CFI: variants seen among roughly 807,000 people sequenced by gnomAD.
The protein encoded by CFI is C3B/C4B inactivator.
Under a neutral mutation model 78.8 loss-of-function variants are expected in CFI, and 66 were observed. That is an observed-to-expected ratio of 0.84 (90% CI 0.69 to 1.03). CFI has a LOEUF of 1.03. Ranked by LOEUF, CFI falls within the 50% of genes least tolerant of loss-of-function variation. The probability of loss-of-function intolerance (pLI) is 0.00; values close to 1 mark genes in which losing one functional copy is unlikely to be tolerated. For missense variants in CFI, 706 were observed against 704.5 expected (o/e 1.00, Z -0.02); for synonymous variants, 250 against 232.6 (o/e 1.07, Z -0.68).
chr4:109,760,842 C>G (rs1726963884), intron 4 of CFI, among the ~76,000 whole-genome samples: 1 of 152,138 alleles, frequency 6.6e-6, no homozygotes, highest in African/African-American at 2.4e-5. Context: ...TCTATTATCT[C>G]TGAAAGTCAG....
In CFI at chr4:109,746,311, G is replaced by T; in HGVS notation, c.1340C>A (p.Pro447His). The T allele has an allele frequency of 6.2e-7, 1 of 1,614,144 alleles. No homozygotes were observed. The highest frequency in any genetic ancestry group is 8.5e-7 in the Non-Finnish European group (1 of 1,180,008). The change falls in exon 11 of 13, where the codon CCT becomes CAT. Residue 447 changes from proline to histidine, a missense_variant. Pro to His is a moderately conservative substitution (Grantham distance 77). Coordinates refer to ENST00000394634, the MANE Select transcript of CFI (RefSeq NM_000204.5). ...GGGGACACAGGCAGGGATGGAACGA[G>T]GCAGCTCACAATCTTTTTTGTTTCC... ...KDGNKKDCEL[P>H]RSIPACVPWS...
At chr4:109,763,067 G>A (rs72888500) in intron 3 of CFI, among the ~76,000 whole-genome samples, 1 of 152,066 alleles carries the variant, frequency 6.6e-6, no homozygotes, top group Non-Finnish European at 1.5e-5. Flanking sequence ...GAAGAAAATT[G>A]AATTCAGAAA....
rs1178256215 is a variant in CFI at position 109,740,826 on chromosome 4, C to A, written c.*67G>T. On this transcript the variant is annotated 3_prime_UTR_variant, in exon 13 of 13. Transcript: ENST00000394634. The stretch of plus-strand genomic sequence containing the variant: ...CCCCCCTAGAGAATTATTAATTATA[C>A]CGTTTTATTTCCATTAAATGGAACT... 3.6e-6 allele frequency: 5 copies of A among 1,398,322 alleles called. No individual in the cohort carries two copies. Among genetic ancestry groups the A allele is most frequent in the African/African-American group, 2.8e-5 (2 of 70,372 alleles). 86.6% of individuals were successfully genotyped at this position (1,398,322 alleles called of 1,614,324 possible). A position where few individuals can be genotyped will look rare whatever the true frequency, so the allele number is the denominator to read the frequency against.
At chr4:109,735,891 A>T (rs1447027574), downstream of CFI, among the ~76,000 whole-genome samples, 1 of 152,256 alleles carries the variant, frequency 6.6e-6, no homozygotes, top group African/African-American at 2.4e-5. Context: ...GAAAGCAAGG[A>T]TACAGAGGCA....
At chr4:109,743,125 C>A (rs1207884362) in intron 11 of CFI, among the ~76,000 whole-genome samples, 1 of 152,162 alleles carries the variant, frequency 6.6e-6, no homozygotes, top group Non-Finnish European at 1.5e-5. Context: ...TTAAGATTTT[C>A]TTCCTCAAGT....
chr4:109,754,677 G>A (rs1250625746), intron 7 of CFI, among the ~76,000 whole-genome samples: 5 of 152,218 alleles, frequency 3.3e-5, no homozygotes, highest in Admixed American at 1.3e-4. Flanking sequence ...CTTTGGGACA[G>A]GCATATGAGT....
At chr4:109,755,405 A>G (rs1159997235) in intron 7 of CFI, among the ~76,000 whole-genome samples, 1 of 152,108 alleles carries the variant, frequency 6.6e-6, no homozygotes, top group Non-Finnish European at 1.5e-5. Context: ...ACTTGCTACT[A>G]TGGTTTGAGT....
Position 109,749,527 on chromosome 4 carries a change from C to T in CFI, c.1016G>A (p.Arg339Gln), listed in dbSNP as rs773085612. The T allele has an allele frequency of 1.1e-5, 18 of 1,613,520 alleles. No homozygotes were observed. Among genetic ancestry groups the T allele is most frequent in the Non-Finnish European group, 1.4e-5 (17 of 1,179,584 alleles). Residue 339 changes from arginine to glutamine, a missense_variant, in exon 9 of 13, where the codon CGA becomes CAA. Physicochemically the swap from Arg to Gln is conservative, Grantham distance 43 (BLOSUM62 1). Coordinates refer to ENST00000394634, the MANE Select transcript of CFI (RefSeq NM_000204.5). ...VKNRMHIRRK[R>Q]IVGGKRAQLG... The stretch of plus-strand genomic sequence containing the variant: ...TTGTGCTCGCTTTCCTCCCACAATT[C>T]GTTTCCTTCGAATGTGCATTCTGTT...
intron 1 of CFI, among the ~76,000 whole-genome samples, chr4:109,777,628 A>G (rs1161531166): frequency 6.6e-6 from 1 of 152,150 alleles, no homozygotes; most frequent in Admixed American, 6.6e-5. Flanking sequence ...TGCACCAAGC[A>G]GACCTAATAG....
At position 109,800,321 on chromosome 4, in the gene CFI, G is replaced by GTTT. The variant is rs554145445; in HGVS notation, c.57+1591_57+1593dup. Among the ~76,000 whole-genome samples, 50 of 48,802 alleles carry GTTT rather than the reference G, an allele frequency of 1.0e-3. 8 individuals are homozygous for GTTT. The highest frequency in any genetic ancestry group is 2.9e-3 in the African/African-American group (37 of 12,844). The allele number at this position is 48,802 out of a possible 152,430, so 32.0% of individuals were successfully genotyped here. On this transcript the variant is annotated intron_variant, in intron 1 of 12. Transcript: ENST00000394634. ...GTTGACTGAAATATTTGGCTTCTCTGTTTTTTTTTTTTTTTTTTTTTTTTT... is the reference window on the plus strand; with the variant it reads ...GTTGACTGAAATATTTGGCTTCTCTGTTTTTTTTTTTTTTTTTTTTTTTTTTTT...
downstream of CFI, among the ~76,000 whole-genome samples, chr4:109,737,443 A>T (rs1723433295): frequency 6.6e-6 from 1 of 152,154 alleles, no homozygotes; most frequent in African/African-American, 2.4e-5. Context: ...ATCTCCCTTT[A>T]GTTTTCCTTA....
Position 109,746,375 on chromosome 4 carries a change from A to T in CFI, c.1276T>A (p.Tyr426Asn). The T allele has an allele frequency of 6.2e-7, 1 of 1,614,156 alleles. No individual in the cohort carries two copies. The highest frequency in any genetic ancestry group is 8.5e-7 in the Non-Finnish European group (1 of 1,180,024). Residue 426 changes from tyrosine to asparagine, a missense_variant, in exon 11 of 13, where the codon TAC (tyrosine) becomes AAC (asparagine). Tyr to Asn is a moderately radical substitution (Grantham distance 143). Transcript: ENST00000394634. Reference protein sequence around the residue: ...IFHENYNAGTYQNDIALIEMK... With the variant: ...IFHENYNAGTNQNDIALIEMK... ...TCAATCAAAGCGATGTCATTTTGGT[A>T]AGTGCCTGCATTGTAGTTTTCATGG...
chr4:109,764,867 T>C (rs1017956882), intron 2 of CFI, among the ~76,000 whole-genome samples, 177 bp from the exon 3 acceptor site: 2 of 152,234 alleles, frequency 1.3e-5, no homozygotes, highest in East Asian at 3.8e-4. Context: ...TCAGCGGCAG[T>C]GCTATTCAGC....
intron 1 of CFI, among the ~76,000 whole-genome samples, chr4:109,797,587 A>G (rs965309614): frequency 1.4e-4 from 22 of 152,210 alleles, no homozygotes; most frequent in African/African-American, 4.8e-4. Context: ...GACTACCTCA[A>G]GCTAAAAACC....
At chr4:109,762,033 A>T (rs1460592745) in intron 3 of CFI, 2 of 297,998 alleles carry the variant, frequency 6.7e-6, no homozygotes, top group Admixed American at 9.5e-5. Flanking sequence ...TCTACCAAAA[A>T]TACAAAAATT....
At position 109,775,567 on chromosome 4, in the gene CFI, T is replaced by G. The variant is rs1054552981; in HGVS notation, c.58-8743A>C. On this transcript the variant is annotated intron_variant, in intron 1 of 12. Coordinates refer to ENST00000394634, the MANE Select transcript of CFI (RefSeq NM_000204.5). ...TGCCTGCCTCTGTAGACTCCACCTC[T>G]GGGGGCAGGGCATAGCTGAACAAAA... Among the ~76,000 whole-genome samples the G allele has an allele frequency of 9.2e-5, 14 of 152,308 alleles. No individual in the cohort carries two copies. In the South Asian group the frequency reaches 2.9e-3, roughly 32 times the overall value.
chr4:109,739,337 G>A (rs548558388), downstream of CFI, among the ~76,000 whole-genome samples: 2 of 152,194 alleles, frequency 1.3e-5, no homozygotes, highest in South Asian at 4.2e-4. Flanking sequence ...TGAGGCAAGT[G>A]GTAGGGATGT....
chr4:109,761,820 A>G (rs1220098054), intron 3 of CFI, 128 bp from the exon 4 acceptor site: 1 of 764,430 alleles, frequency 1.3e-6, no homozygotes, highest in African/African-American at 1.7e-5. Flanking sequence ...AGCTTGGGCA[A>G]GATACCGAAA....
chr4:109,742,571 T>G lies in CFI; in HGVS notation c.1454A>C (p.Gln485Pro). Reference protein sequence around the residue: ...EKDNERVFSLQWGEVKLISNC... With the variant: ...EKDNERVFSLPWGEVKLISNC... The stretch of plus-strand genomic sequence containing the variant: ...GCTTATTAGTTTAACTTCACCCCAC[T>G]GAAGTGAAAAGACTCTTTCGTTATC... The change falls in exon 12 of 13, where the codon CAG becomes CCG. Residue 485 changes from glutamine to proline, a missense_variant. Coordinates refer to ENST00000394634, the MANE Select transcript of CFI (RefSeq NM_000204.5). 2 of 1,612,308 alleles carry G rather than the reference T, an allele frequency of 1.2e-6. No homozygotes were observed. Among genetic ancestry groups the G allele is most frequent in the Non-Finnish European group, 8.5e-7 (1 of 1,178,438 alleles).
Sources: gnomAD v4.1 joint callset for allele counts (sites outside exome capture counted in the v4.1 genomes callset) on GRCh38, gnomAD v4.1.1 for gene constraint, MANE v1.5 for transcripts, NCBI Gene and HGNC (gene_info 2026-07-23, HGNC 2026-07-21) for gene names.